The following TOX3 variants were observed in gnomAD, a reference collection of about 807,000 sequenced individuals.
TOX3 encodes CAG trinucleotide repeat-containing gene F9 protein.
Under a neutral mutation model 64.3 loss-of-function variants are expected in TOX3, and 22 were observed. The observed-to-expected ratio is 0.34, with a 90% CI of 0.24 to 0.49. The LOEUF is 0.49. TOX3 is among the 20% of genes least tolerant of loss of function. The pLI, the probability that TOX3 is intolerant of heterozygous loss-of-function variation, is 0.99. For synonymous variants in TOX3, 291 were observed against 273.6 expected (o/e 1.06, Z -0.63); for missense variants, 661 against 714.4 (o/e 0.93, Z 0.85).
intron 1 of TOX3, among the ~76,000 whole-genome samples, chr16:52,491,934 C>T (rs1240502995): frequency 6.6e-6 from 1 of 152,020 alleles, no homozygotes; most frequent in Non-Finnish European, 1.5e-5. Context: ...ACCACGGCCA[C>T]AGATGAAGCT....
At chr16:52,501,422 A>T (rs1961995979) in intron 1 of TOX3, among the ~76,000 whole-genome samples, 1 of 152,228 alleles carries the variant, frequency 6.6e-6, no homozygotes, top group South Asian at 2.1e-4. Flanking sequence ...CTGTAATCCC[A>T]GCACTTTGGG....
At chr16:52,471,809 C>T (rs567245060) in intron 1 of TOX3, among the ~76,000 whole-genome samples, 1 of 152,268 alleles carries the variant, frequency 6.6e-6, no homozygotes, top group Admixed American at 6.5e-5. Context: ...AATCTATTTT[C>T]CCAACACCCA....
chr16:52,468,448 C>A (rs1960931039), intron 2 of TOX3, 61 bp downstream of exon 2: 1 of 1,441,254 alleles, frequency 6.9e-7, no homozygotes, highest in Non-Finnish European at 9.7e-7. Flanking sequence ...TCCCTTCAAG[C>A]CTATTAAATT....
At chr16:52,519,212 T>C (rs865891443) in intron 1 of TOX3, among the ~76,000 whole-genome samples, 13 of 152,206 alleles carry the variant, frequency 8.5e-5, no homozygotes, top group Non-Finnish European at 1.0e-4. Context: ...ACAAATTGTT[T>C]AAAGCCACTG....
At chr16:52,537,312 G>A (rs2151488678) in intron 1 of TOX3, among the ~76,000 whole-genome samples, 1 of 152,074 alleles carries the variant, frequency 6.6e-6, no homozygotes, top group South Asian at 2.1e-4. Flanking sequence ...CTCCCACCAT[G>A]GAAAGAGAAA....
At chr16:52,499,888 G>C (rs1182420364) in intron 1 of TOX3, among the ~76,000 whole-genome samples, 1 of 152,210 alleles carries the variant, frequency 6.6e-6, no homozygotes, top group East Asian at 1.9e-4. Flanking sequence ...TTCTCCATCA[G>C]GTTCTGAGAG....
chr16:52,521,974 G>A (rs1194325611), intron 1 of TOX3, among the ~76,000 whole-genome samples: 1 of 152,188 alleles, frequency 6.6e-6, no homozygotes, highest in African/African-American at 2.4e-5. Context: ...CTTTGAACAA[G>A]TTATTTAATT....
At chr16:52,507,651 A>T (rs1056291750) in intron 1 of TOX3, among the ~76,000 whole-genome samples, 4 of 152,180 alleles carry the variant, frequency 2.6e-5, no homozygotes, top group Admixed American at 6.5e-5. Flanking sequence ...AACCTTTTTT[A>T]AAAAAAGATA....
intron 2 of TOX3, 41 bp from the exon 3 acceptor site, chr16:52,464,229 C>T: frequency 7.1e-7 from 1 of 1,411,934 alleles, no homozygotes; most frequent in African/African-American, 1.5e-5. Context: ...TATTCTGTTC[C>T]TATATCTTAT....
chr16:52,546,684 C>T lies in TOX3; in HGVS notation c.40G>A (p.Ala14Thr). 6.5e-7 allele frequency: 1 copy of T among 1,543,402 alleles called. No individual in the cohort carries two copies. The change falls in exon 1 of 7, where the codon GCC becomes ACC. Residue 14 changes from alanine (A) to threonine (T), a missense_variant. This residue lies in a region of TOX3 where 259 missense variants were observed against 261.2 expected (regional missense o/e 0.99). Transcript: ENST00000219746. ...RFYPAAAGDPASLDFAQCLGY... is the reference protein window; with the variant it reads ...RFYPAAAGDPTSLDFAQCLGY... ...AGGCACTGCGCGAAGTCCAGGCTGG[C>T]AGGGTCCCCGGCCGCCGCGGGGTAG... is the stretch of plus-strand genomic sequence containing the variant.
intron 1 of TOX3, among the ~76,000 whole-genome samples, chr16:52,469,570 C>G (rs1246277866): frequency 6.6e-6 from 1 of 151,928 alleles, no homozygotes; most frequent in African/African-American, 2.4e-5. Flanking sequence ...GGTTTGATCT[C>G]CAAAGGGTGA....
rs61541718 is a variant in TOX3 at position 52,519,976 on chromosome 16, C to CA, written c.87+26660dup. Among the ~76,000 whole-genome samples the CA allele has an allele frequency of 3.0e-3, 380 of 127,626 alleles. 1 individual carries two copies. The highest frequency in any genetic ancestry group is 5.3e-3 in the Non-Finnish European group (295 of 56,046). The allele number at this position is 127,626 out of a possible 152,430, so 83.7% of individuals were successfully genotyped here. A position where few individuals can be genotyped will look rare whatever the true frequency, so the allele number is the denominator to read the frequency against. On this transcript the variant is annotated intron_variant, in intron 1 of 6. Transcript: ENST00000219746. Reference sequence around the variant, plus strand: ...ACAGAGCAAGACTCTGTCTCAAAAACAAAAAAAAAAAAAAAAGAAGAAGAA... The same window carrying CA: ...ACAGAGCAAGACTCTGTCTCAAAAACAAAAAAAAAAAAAAAAAGAAGAAGAA...
At chr16:52,452,861 G>A (rs746583081) in intron 3 of TOX3, among the ~76,000 whole-genome samples, 2 of 152,186 alleles carry the variant, frequency 1.3e-5, no homozygotes, top group Non-Finnish European at 2.9e-5. Context: ...CTGGAGGAAA[G>A]TGTCACAAGT....
At chr16:52,468,079 T>G (rs1009635071) in intron 2 of TOX3, among the ~76,000 whole-genome samples, 4 of 152,164 alleles carry the variant, frequency 2.6e-5, no homozygotes, top group Non-Finnish European at 5.9e-5. Flanking sequence ...TCACATAGTT[T>G]CCCAAACCAT....
chr16:52,472,815 G>A (rs950400149), intron 1 of TOX3, among the ~76,000 whole-genome samples: 1 of 152,168 alleles, frequency 6.6e-6, no homozygotes, highest in Non-Finnish European at 1.5e-5. Context: ...GAGGCACACT[G>A]GTGGTAATAG....
Position 52,440,748 on chromosome 16 carries a change from C to CTTTT in TOX3, c.988-781_988-780insAAAA, listed in dbSNP as rs1425662404. Among the ~76,000 whole-genome samples the CTTTT allele has an allele frequency of 7.0e-4, 63 of 89,436 alleles. 1 individual carries two copies. The highest frequency in any genetic ancestry group is 1.5e-3 in the South Asian group (3 of 2,064). The allele number at this position is 89,436 out of a possible 152,430, so 58.7% of individuals were successfully genotyped here. On this transcript the variant is annotated intron_variant, in intron 6 of 6. Coordinates refer to ENST00000219746, the MANE Select transcript of TOX3 (RefSeq NM_001080430.4). ...ATTGGGTTATATGGTATTTTTCTTT[C>CTTTT]TTTCTTTTTTTTTTTTTTTTTTTTT...
chr16:52,474,619 A>T (rs796845119), intron 1 of TOX3, among the ~76,000 whole-genome samples: 1 of 151,892 alleles, frequency 6.6e-6, no homozygotes, highest in African/African-American at 2.4e-5. Context: ...CCTGTCTCAA[A>T]AAAAAAAAGA....
rs191761184 is a variant in TOX3 at position 52,499,765 on chromosome 16, A to T, written c.88-31191T>A. ...ATGTTTTCCCTATGGCTTCAAACAC[A>T]TACCTGCCTAGGCAGGCAGAGGGTG... On this transcript the variant is annotated intron_variant, in intron 1 of 6. Coordinates refer to ENST00000219746, the MANE Select transcript of TOX3 (RefSeq NM_001080430.4). Among the ~76,000 whole-genome samples, 33 of 152,354 alleles carry T rather than the reference A, an allele frequency of 2.2e-4. No homozygotes were observed. The East Asian group carries it at 6.4e-3, about 29-fold the overall frequency.
intron 1 of TOX3, among the ~76,000 whole-genome samples, chr16:52,509,042 G>A (rs1962233842): frequency 6.6e-6 from 1 of 152,010 alleles, no homozygotes; most frequent in African/African-American, 2.4e-5. Flanking sequence ...TATTACCCCA[G>A]GAAGATAAAT....
Sources: allele counts gnomAD v4.1 joint callset (sites outside exome capture counted in the v4.1 genomes callset), GRCh38; gene constraint gnomAD v4.1.1; regional missense constraint gnomAD v4.1.1; transcripts MANE v1.5; gene names NCBI Gene and HGNC (gene_info 2026-07-23, HGNC 2026-07-21).